The following CCDC60 variants were observed in gnomAD, a reference collection of about 807,000 sequenced individuals.
The protein encoded by CCDC60 is coiled-coil domain containing 60.
CCDC60 carries 54 observed loss-of-function variants against 63.5 expected under a neutral mutation model. The observed-to-expected ratio is 0.85, with a 90% CI of 0.68 to 1.07. The LOEUF (loss-of-function observed/expected upper bound fraction) is 1.07, where lower values mean the gene tolerates loss of function less well. Among genes scored for constraint, CCDC60 ranks in the 50% least tolerant of loss-of-function variants. The pLI is 0.00. For missense variants in CCDC60, 651 were observed against 684.3 expected (o/e 0.95, Z 0.54); for synonymous variants, 206 against 238.8 (o/e 0.86, Z 1.27).
intron 3 of CCDC60, among the ~76,000 whole-genome samples, chr12:119,473,315 TGCAGCTGTAGCCACTCTCCTGTGAGC>T (rs1208668945): frequency 6.6e-6 from 1 of 152,212 alleles, no homozygotes; most frequent in Non-Finnish European, 1.5e-5. Context: ...AAAAATGGCC[TGCAGCTGTAGCCACTCTCCTGTGAGC>T]GCAGCTGTTG....
intron 2 of CCDC60, among the ~76,000 whole-genome samples, chr12:119,430,272 G>A (rs148441591): frequency 2.4e-4 from 36 of 151,988 alleles, no homozygotes; most frequent in African/African-American, 7.0e-4. Context: ...AGATACAACC[G>A]TTAAAGAAAC....
intron 1 of CCDC60, among the ~76,000 whole-genome samples, chr12:119,344,578 A>G (rs1014542813): frequency 3.9e-5 from 6 of 152,124 alleles, no homozygotes; most frequent in Non-Finnish European, 8.8e-5. Context: ...TTTACCTTCC[A>G]TCTGACCCAT....
At chr12:119,484,132 C>G (rs935170375) in intron 4 of CCDC60, among the ~76,000 whole-genome samples, 12 of 152,134 alleles carry the variant, frequency 7.9e-5, no homozygotes, top group African/African-American at 2.7e-4. Context: ...GCCAGACTGC[C>G]TGGGCTCACA....
intron 2 of CCDC60, among the ~76,000 whole-genome samples, chr12:119,454,471 C>T (rs1360171784): frequency 2.0e-5 from 3 of 152,158 alleles, no homozygotes; most frequent in Non-Finnish European, 4.4e-5. Context: ...CACCTGTTGC[C>T]TATTTACCAG....
intron 2 of CCDC60, among the ~76,000 whole-genome samples, chr12:119,438,430 G>A (rs1467656670): frequency 6.6e-6 from 1 of 152,196 alleles, no homozygotes; most frequent in Non-Finnish European, 1.5e-5. Context: ...TTTATAGCCA[G>A]GCTTGGCAGG....
intron 1 of CCDC60, among the ~76,000 whole-genome samples, chr12:119,375,976 C>G (rs1247167411): frequency 8.5e-5 from 13 of 152,222 alleles, no homozygotes; most frequent in Admixed American, 8.5e-4. Context: ...CCTCTCCTGA[C>G]TTTCCTCTGG....
At chr12:119,441,859 A>G (rs1292165217) in intron 2 of CCDC60, among the ~76,000 whole-genome samples, 1 of 151,950 alleles carries the variant, frequency 6.6e-6, no homozygotes, top group Non-Finnish European at 1.5e-5. Context: ...ACACTCTTAT[A>G]CTTTTTTTTT....
At chr12:119,521,648 G>A (rs941898301) in intron 9 of CCDC60, among the ~76,000 whole-genome samples, 1 of 152,124 alleles carries the variant, frequency 6.6e-6, no homozygotes, top group African/African-American at 2.4e-5. Context: ...AGGGCCAGGT[G>A]GGGGGCACAG....
rs1042395382 is a variant in CCDC60 at position 119,410,685 on chromosome 12, C to T, written c.91-17998C>T. On this transcript the variant is annotated intron_variant, in intron 1 of 13. Coordinates refer to ENST00000327554, the MANE Select transcript of CCDC60 (RefSeq NM_178499.5). The surrounding 1 kb of genome is among the most constrained non-coding windows in gnomAD (Gnocchi z 4.0). ...GCAGAAAAAGTAAAACCCTTTACCTCACCCATCACAGTTCTTGGATGATAT... is the reference window on the plus strand; with the variant it reads ...GCAGAAAAAGTAAAACCCTTTACCTTACCCATCACAGTTCTTGGATGATAT... Among the ~76,000 whole-genome samples, 1 of 152,306 alleles carries T rather than the reference C, an allele frequency of 6.6e-6. No homozygotes were observed. The highest frequency in any genetic ancestry group is 1.9e-4 in the East Asian group (1 of 5,178).
intron 13 of CCDC60, among the ~76,000 whole-genome samples, chr12:119,539,178 C>G (rs932083692): frequency 6.6e-6 from 1 of 152,216 alleles, no homozygotes; most frequent in African/African-American, 2.4e-5. Context: ...GGTCAGGGAC[C>G]CACTTGAGGC....
chr12:119,385,147 A>G (rs1956047576), intron 1 of CCDC60, among the ~76,000 whole-genome samples: 1 of 152,230 alleles, frequency 6.6e-6, no homozygotes. Flanking sequence ...CCTTGAGGAC[A>G]AGGACTGTGC....
At chr12:119,538,682 T>C (rs944567189) in intron 13 of CCDC60, among the ~76,000 whole-genome samples, 13 of 152,236 alleles carry the variant, frequency 8.5e-5, no homozygotes, top group African/African-American at 2.9e-4. Flanking sequence ...TTCTGAAGCC[T>C]ACTTCTGTCA....
chr12:119,353,747 A>T (rs1955686530), intron 1 of CCDC60, among the ~76,000 whole-genome samples: 1 of 151,572 alleles, frequency 6.6e-6, no homozygotes, highest in South Asian at 2.1e-4. Flanking sequence ...AGCTGGGATT[A>T]CAGGTGCCCA....
intron 3 of CCDC60, among the ~76,000 whole-genome samples, chr12:119,476,688 A>G (rs921108459): frequency 7.2e-5 from 11 of 152,170 alleles, no homozygotes; most frequent in African/African-American, 2.7e-4. Flanking sequence ...GGGTAAACAC[A>G]AAAGTCTCAG....
chr12:119,430,541 C>T (rs562148731), intron 2 of CCDC60, among the ~76,000 whole-genome samples: 5 of 152,020 alleles, frequency 3.3e-5, no homozygotes, highest in Admixed American at 1.3e-4. Context: ...GTGGTGGGCG[C>T]CTGTAGTCCC....
intron 1 of CCDC60, among the ~76,000 whole-genome samples, chr12:119,355,937 C>G (rs1321654351): frequency 2.0e-5 from 3 of 152,080 alleles, no homozygotes; most frequent in Non-Finnish European, 4.4e-5. Context: ...CCACCTTGTC[C>G]CTGTTTTAGC....
intron 1 of CCDC60, among the ~76,000 whole-genome samples, chr12:119,368,465 T>G (rs972348904): frequency 2.0e-5 from 3 of 152,184 alleles, no homozygotes; most frequent in Admixed American, 6.5e-5. Flanking sequence ...GGCTGGATCA[T>G]GTGAAAGTCC....
chr12:119,443,729 A>C (rs1409137421), intron 2 of CCDC60, among the ~76,000 whole-genome samples: 1 of 152,214 alleles, frequency 6.6e-6, no homozygotes, highest in Non-Finnish European at 1.5e-5. Context: ...CACCTACCTG[A>C]TTTAATGTAT....
intron 7 of CCDC60, among the ~76,000 whole-genome samples, chr12:119,510,097 C>G (rs560493506): frequency 6.5e-4 from 99 of 152,324 alleles, no homozygotes; most frequent in African/African-American, 2.3e-3. Flanking sequence ...ACTAGTTTCC[C>G]TGCTTCTTGT....
Sources: gnomAD v4.1 joint callset for allele counts (sites outside exome capture counted in the v4.1 genomes callset) on GRCh38, gnomAD v4.1.1 for gene constraint, Gnocchi (gnomAD v3.1) non-coding constraint, MANE v1.5 for transcripts, NCBI Gene and HGNC (gene_info 2026-07-23, HGNC 2026-07-21) for gene names.